POU6F2: variants seen among roughly 807,000 people sequenced by gnomAD.
POU6F2 encodes the protein POU domain, class 6, transcription factor 2.
A neutral mutation model predicts 71.3 loss-of-function variants in POU6F2; 31 were observed. The ratio of observed to expected loss-of-function variants is 0.43; its 90% CI spans 0.33 to 0.59. POU6F2 has a LOEUF of 0.59. POU6F2 is among the 20% of genes least tolerant of loss of function. POU6F2 has a pLI of 0.04. For synonymous variants in POU6F2, 347 were observed against 355.7 expected (o/e 0.98, Z 0.27); for missense variants, 783 against 856.8 (o/e 0.91, Z 1.07).
In POU6F2 at chr7:39,464,387, A is replaced by G; in HGVS notation, c.1864A>G (p.Met622Val). The G allele has an allele frequency of 6.2e-7, 1 of 1,614,066 alleles. No homozygotes were observed. The highest frequency in any genetic ancestry group is 8.5e-7 in the Non-Finnish European group (1 of 1,179,898). ...GGCTGAGGCCCGCCATCGAGCAGGT[A>G]TGCAGAACCTGACCGAGTTTATCGG... ...AEAEARHRAG[M>V]QNLTEFIGSE... Residue 622 changes from methionine to valine, a missense_variant, in exon 10 of 10, where the codon ATG becomes GTG. Met to Val is a conservative substitution (Grantham distance 21). Transcript: ENST00000518318. This position sits in a 1 kb window ranked among gnomAD's most constrained non-coding sequence, Gnocchi z 4.1.
intron 4 of POU6F2, among the ~76,000 whole-genome samples, chr7:39,277,861 A>G (rs1784479973): frequency 6.6e-6 from 1 of 152,040 alleles, no homozygotes; most frequent in African/African-American, 2.4e-5. Context: ...GGTCGAGATC[A>G]TCCTGGGCAA....
At chr7:39,175,154 T>C (rs1793303388) in intron 2 of POU6F2, among the ~76,000 whole-genome samples, 1 of 152,158 alleles carries the variant, frequency 6.6e-6, no homozygotes, top group South Asian at 2.1e-4. Context: ...CCCTTTTCTG[T>C]CCTCTATTTT....
At chr7:39,458,510 G>A (rs1788859248) in intron 8 of POU6F2, among the ~76,000 whole-genome samples, 2 of 152,214 alleles carry the variant, frequency 1.3e-5, no homozygotes, top group African/African-American at 4.8e-5. Context: ...GACTGCCGAA[G>A]TGAGCTCCCA....
chr7:39,295,039 A>G (rs563417713), intron 4 of POU6F2, among the ~76,000 whole-genome samples: 1 of 152,316 alleles, frequency 6.6e-6, no homozygotes, highest in African/African-American at 2.4e-5. Flanking sequence ...GATTATGAAT[A>G]GATTCTCATT....
intron 6 of POU6F2, among the ~76,000 whole-genome samples, chr7:39,413,687 G>A (rs759077477): frequency 2.6e-5 from 4 of 151,586 alleles, no homozygotes; most frequent in Non-Finnish European, 5.9e-5. Flanking sequence ...TTTTTTAATC[G>A]AATAACATTT....
intron 2 of POU6F2, among the ~76,000 whole-genome samples, chr7:39,141,578 C>G (rs1792502164): frequency 6.6e-6 from 1 of 152,152 alleles, no homozygotes; most frequent in Admixed American, 6.5e-5. Context: ...TTAATGCTTT[C>G]CACTTCAACC....
chr7:39,245,310 A>C (rs1417990583), intron 4 of POU6F2, among the ~76,000 whole-genome samples: 2 of 152,188 alleles, frequency 1.3e-5, no homozygotes, highest in Non-Finnish European at 2.9e-5. Context: ...ATAAGTACTG[A>C]CTAGTTCTCC....
At chr7:39,090,242 T>A (rs1338296636) in intron 2 of POU6F2, among the ~76,000 whole-genome samples, 1 of 152,206 alleles carries the variant, frequency 6.6e-6, no homozygotes, top group Non-Finnish European at 1.5e-5. Flanking sequence ...GTATTTCTTT[T>A]CCTTTCTGTG....
chr7:38,984,503 T>G (rs1788411362), intron 1 of POU6F2: 1 of 152,122 alleles, frequency 6.6e-6, no homozygotes, highest in Admixed American at 6.5e-5. Context: ...CTAAGTTATT[T>G]TGTAAGCTTA....
At chr7:39,438,831 C>T (rs1188284259) in intron 7 of POU6F2, among the ~76,000 whole-genome samples, 2 of 152,200 alleles carry the variant, frequency 1.3e-5, no homozygotes, top group Non-Finnish European at 2.9e-5. Flanking sequence ...AATGTATATT[C>T]TGTTGATTTG....
intron 4 of POU6F2, among the ~76,000 whole-genome samples, chr7:39,236,611 AT>A (rs1353899070): frequency 2.6e-5 from 4 of 152,052 alleles, no homozygotes; most frequent in African/African-American, 9.7e-5. Flanking sequence ...CTGGTGGAAA[AT>A]TTCATTTACT....
chr7:38,998,363 T>C (rs1788799174), intron 1 of POU6F2, among the ~76,000 whole-genome samples: 1 of 152,148 alleles, frequency 6.6e-6, no homozygotes, highest in Non-Finnish European at 1.5e-5. Flanking sequence ...TGTACTTGAG[T>C]GAATTTTAAC....
chr7:39,432,686 G>A (rs1283569734), intron 6 of POU6F2, among the ~76,000 whole-genome samples: 3 of 152,054 alleles, frequency 2.0e-5, no homozygotes, highest in Non-Finnish European at 4.4e-5. Flanking sequence ...GAGCCCCCCG[G>A]GGTTGGGGGG....
intron 4 of POU6F2, among the ~76,000 whole-genome samples, chr7:39,211,774 T>C (rs1794147177): frequency 6.6e-6 from 1 of 152,142 alleles, no homozygotes; most frequent in African/African-American, 2.4e-5. Flanking sequence ...TGTATCATCC[T>C]CTCCTCTGCA....
chr7:39,131,600 G>T (rs939939169), intron 2 of POU6F2, among the ~76,000 whole-genome samples: 10 of 152,116 alleles, frequency 6.6e-5, no homozygotes, highest in African/African-American at 2.4e-4. Context: ...TGAGTGGCTG[G>T]AATCTCCTCC....
chr7:39,186,941 G>A (rs1309083142), intron 2 of POU6F2, among the ~76,000 whole-genome samples: 2 of 152,160 alleles, frequency 1.3e-5, no homozygotes, highest in African/African-American at 2.4e-5. Context: ...CAGGCCTGCC[G>A]CCTGCTCTGT....
chr7:39,057,548 T>C (rs925193990), intron 1 of POU6F2, among the ~76,000 whole-genome samples: 15 of 152,166 alleles, frequency 9.9e-5, no homozygotes, highest in African/African-American at 3.1e-4. Context: ...TACCTCCTAA[T>C]TGTTTATAAT....
chr7:39,194,254 G>T (rs1793730187), intron 2 of POU6F2, among the ~76,000 whole-genome samples: 1 of 152,208 alleles, frequency 6.6e-6, no homozygotes, highest in African/African-American at 2.4e-5. Flanking sequence ...AAGTGAAAAA[G>T]AAAGCAGGAT....
intron 4 of POU6F2, among the ~76,000 whole-genome samples, chr7:39,295,252 C>T (rs988499601): frequency 1.3e-5 from 2 of 151,762 alleles, no homozygotes; most frequent in Non-Finnish European, 2.9e-5. Flanking sequence ...GTTCTGTAAG[C>T]AACACACGAA....
Sources: allele counts gnomAD v4.1 joint callset (sites outside exome capture counted in the v4.1 genomes callset), GRCh38; gene constraint gnomAD v4.1.1; non-coding constraint Gnocchi (gnomAD v3.1); transcripts MANE v1.5; gene names NCBI Gene and HGNC (gene_info 2026-07-23, HGNC 2026-07-21).